USP26: variants seen among roughly 807,000 people sequenced by gnomAD.
USP26 encodes ubiquitin specific peptidase 26.
For missense variants in USP26, 649 were observed against 642.3 expected, an observed-to-expected ratio of 1.01 and a Z score of -0.11; for synonymous variants, 236 against 240.6, an observed-to-expected ratio of 0.98 and a Z score of 0.18.
intron 1 of USP26, among the ~76,000 whole-genome samples, chrX:133,092,351 A>G (rs778438019): frequency 8.9e-6 from 1 of 112,124 alleles, no homozygotes; most frequent in Non-Finnish European, 1.9e-5. Context: ...CACAGATAAC[A>G]AATTTTTGAA....
chrX:133,046,632 C>CGA lies in USP26; in HGVS notation c.-76-18338_-76-18337dup, dbSNP rs34047132. Among the ~76,000 whole-genome samples the CGA allele has an allele frequency of 9.6e-3, 1,003 of 104,422 alleles. 10 individuals are homozygous for CGA. Among genetic ancestry groups the CGA allele is most frequent in the African/African-American group, 0.025 (730 of 28,760 alleles). The allele number at this position is 104,422 out of a possible 115,157, so 90.7% of individuals were successfully genotyped here. On this transcript the variant is annotated intron_variant, in intron 5 of 5. Transcript: ENST00000511190. Reference sequence around the variant, plus strand: ...TGCCATTTAAAAAGTGTGTGTGAGACGAGAGAGAGAGAGAGAGAGAGAGAA... The same window carrying CGA: ...TGCCATTTAAAAAGTGTGTGTGAGACGAGAGAGAGAGAGAGAGAGAGAGAGAA...
chrX:133,083,874 C>G lies in USP26; in HGVS notation c.-141-103G>C, dbSNP rs184840118. On this transcript the variant is annotated intron_variant, in intron 4 of 5. Transcript: ENST00000511190. ...ATAAATACTTCTTCTTGCTCTCTTC[C>G]CACCATGCTTCCAGTTCCCATCTTT... 8 of 111,635 alleles carry G rather than the reference C, an allele frequency of 7.2e-5. No homozygotes were observed. In the East Asian group the frequency reaches 2.3e-3, roughly 32 times the overall value. The allele number at this position is 111,635 out of a possible 1,213,427, so 9.2% of individuals were successfully genotyped here. A position where few individuals can be genotyped will look rare whatever the true frequency, so the allele number is the denominator to read the frequency against.
At chrX:133,094,790 T>C (rs943404262) in intron 1 of USP26, among the ~76,000 whole-genome samples, 7 of 111,693 alleles carry the variant, frequency 6.3e-5, no homozygotes, top group African/African-American at 2.0e-4. Context: ...GTGTGCATTT[T>C]TACATTAAAA....
At chrX:133,051,744 A>G (rs1431658786) in intron 5 of USP26, among the ~76,000 whole-genome samples, 1 of 112,279 alleles carries the variant, frequency 8.9e-6, no homozygotes, top group Admixed American at 9.4e-5. Flanking sequence ...TTATTTGATT[A>G]AGAGCCTGTA....
At chrX:133,043,325 C>T (rs1246902500) in intron 5 of USP26, among the ~76,000 whole-genome samples, 1 of 112,322 alleles carries the variant, frequency 8.9e-6, no homozygotes, top group African/African-American at 3.2e-5. Context: ...TCCTGGGCTA[C>T]TGAAGCCCCC....
chrX:133,050,044 G>A (rs933518656), intron 5 of USP26, among the ~76,000 whole-genome samples: 14 of 112,300 alleles, frequency 1.2e-4, no homozygotes, highest in African/African-American at 4.5e-4. Flanking sequence ...CAAATACATA[G>A]AGCACTCTTA....
intron 5 of USP26, among the ~76,000 whole-genome samples, chrX:133,073,721 C>T (rs1215849991): frequency 8.9e-6 from 1 of 111,745 alleles, no homozygotes; most frequent in Non-Finnish European, 1.9e-5. Flanking sequence ...CCCTGTATGA[C>T]TTTGAATTCC....
chrX:133,028,335 C>T, intron 5 of USP26, 39 bp from the exon 6 acceptor site: 1 of 851,688 alleles, frequency 1.2e-6, no homozygotes, highest in Non-Finnish European at 1.7e-6. Context: ...CATTAGTTCT[C>T]TACACAGAAT....
At chrX:133,096,665 C>T (rs902698387) in intron 1 of USP26, among the ~76,000 whole-genome samples, 4 of 111,671 alleles carry the variant, frequency 3.6e-5, no homozygotes, top group African/African-American at 1.3e-4. Context: ...GACACTGAGG[C>T]GGGTGGACCA....
At chrX:133,060,168 G>A (rs1244356899) in intron 5 of USP26, among the ~76,000 whole-genome samples, 2 of 111,175 alleles carry the variant, frequency 1.8e-5, no homozygotes, top group Non-Finnish European at 3.8e-5. Flanking sequence ...ACTTCTCTAA[G>A]AGCCTGAAGC....
rs746250905 is a variant in USP26 at position 133,024,314 on chromosome X, T to C, written c.*1165A>G. ...AAAAAATCTGGAATTAGTCATGTAA[T>C]GTTGAATGCAGAGGATTGTTCAAGG... On this transcript the variant is annotated 3_prime_UTR_variant, in exon 6 of 6. Coordinates refer to ENST00000511190, the MANE Select transcript of USP26 (RefSeq NM_031907.3). 9.2e-6 allele frequency among the ~76,000 whole-genome samples: 1 copy of C among 109,276 alleles called. No homozygotes were observed. Among genetic ancestry groups the C allele is most frequent in the East Asian group, 2.8e-4 (1 of 3,514 alleles). The allele number at this position is 109,276 out of a possible 115,157, so 94.9% of individuals were successfully genotyped here.
chrX:133,080,884 G>A (rs188917436), intron 5 of USP26, among the ~76,000 whole-genome samples: 4 of 111,352 alleles, frequency 3.6e-5, no homozygotes, highest in Middle Eastern at 4.6e-3. Flanking sequence ...ATCCAATTCC[G>A]AACTACTCAT....
At chrX:133,067,132 C>T (rs753516015) in intron 5 of USP26, among the ~76,000 whole-genome samples, 2 of 112,625 alleles carry the variant, frequency 1.8e-5, no homozygotes, top group African/African-American at 6.4e-5. Flanking sequence ...AAAAGTTCAT[C>T]ATCACTGGTC....
At chrX:133,074,602 C>T (rs936599366) in intron 5 of USP26, among the ~76,000 whole-genome samples, 3 of 112,447 alleles carry the variant, frequency 2.7e-5, no homozygotes, top group African/African-American at 6.4e-5. Flanking sequence ...ATCAACATTA[C>T]AACCATGTGT....
rs925042205 is a variant in USP26 at position 133,040,942 on chromosome X, TG to T, written c.-76-12647del. On this transcript the variant is annotated intron_variant, in intron 5 of 5. Transcript: ENST00000511190. ...GTCTTCATGCCTTATTTCAGTAAGG[TG>T]ATCTTCATTCTGTGATAACCTTTCT... Among the ~76,000 whole-genome samples the T allele has an allele frequency of 1.3e-4, 14 of 110,195 alleles. No individual in the cohort carries two copies. In the Admixed American group the frequency reaches 1.4e-3, roughly 11 times the overall value.
intron 4 of USP26, among the ~76,000 whole-genome samples, chrX:133,088,479 G>A (rs1449963875): frequency 9.0e-6 from 1 of 111,109 alleles, no homozygotes; most frequent in Non-Finnish European, 1.9e-5. Flanking sequence ...ATGTTTGCTC[G>A]CCCGGCTGCT....
chrX:133,096,674 C>T (rs1349770503), intron 1 of USP26, among the ~76,000 whole-genome samples: 1 of 111,588 alleles, frequency 9.0e-6, no homozygotes, highest in African/African-American at 3.3e-5. Context: ...GCGGGTGGAC[C>T]ACCTGAGGTC....
chrX:133,028,942 CA>C (rs1262793335), intron 5 of USP26, among the ~76,000 whole-genome samples: 1 of 112,210 alleles, frequency 8.9e-6, no homozygotes, highest in Non-Finnish European at 1.9e-5. Context: ...GCTCATTCAA[CA>C]AAAGTTTAAG....
Position 133,028,067 on chromosome X carries a change from G to A in USP26, c.154C>T (p.Leu52=). 3.3e-6 allele frequency: 4 copies of A among 1,209,941 alleles called. No homozygotes were observed. The highest frequency in any genetic ancestry group is 4.5e-6 in the Non-Finnish European group (4 of 894,397). ...ACTACATTTTGAATATTATCACTTA[G>A]CCGAAAAGTGCTATATTTTCCACTT... ...FKSGKYSTFR[L]SDNIQNVVLK... The change falls in exon 6 of 6, where the codon CTA becomes TTA. Residue 52 remains leucine, a synonymous_variant. Coordinates refer to ENST00000511190, the MANE Select transcript of USP26 (RefSeq NM_031907.3).
Sources: gnomAD v4.1 joint callset for allele counts (sites outside exome capture counted in the v4.1 genomes callset) on GRCh38, gnomAD v4.1.1 for gene constraint, MANE v1.5 for transcripts, NCBI Gene and HGNC (gene_info 2026-07-23, HGNC 2026-07-21) for gene names.